Variants in ANO3 observed in about 807,000 individuals in gnomAD.
ANO3 encodes the protein anoctamin 3.
Under a neutral mutation model 144.8 loss-of-function variants are expected in ANO3, and 99 were observed. The observed-to-expected ratio is 0.68, with a 90% CI of 0.58 to 0.81. The LOEUF is 0.81. Among genes scored for constraint, ANO3 ranks in the 30% least tolerant of loss-of-function variants. The pLI is 0.00. For missense variants in ANO3, 905 were observed against 1,202.2 expected (o/e 0.75, Z 3.66); for synonymous variants, 414 against 392.6 (o/e 1.05, Z -0.64).
chr11:26,421,421 G>C (rs1347671077), intron 1 of ANO3, among the ~76,000 whole-genome samples: 1 of 151,930 alleles, frequency 6.6e-6, no homozygotes, highest in Admixed American at 6.6e-5. Context: ...GTATAGAAAA[G>C]TGTATTCAGA....
chr11:26,566,323 C>T (rs1015983359), intron 14 of ANO3, among the ~76,000 whole-genome samples: 13 of 151,778 alleles, frequency 8.6e-5, no homozygotes, highest in Admixed American at 3.3e-4. Flanking sequence ...TTTAAGAAAA[C>T]GCATTCTTTA....
intron 5 of ANO3, among the ~76,000 whole-genome samples, chr11:26,512,368 G>T (rs951769634): frequency 3.3e-5 from 5 of 152,192 alleles, no homozygotes; most frequent in African/African-American, 1.2e-4. Context: ...TCTCTGAGGA[G>T]CTTGCCTTCA....
chr11:26,328,294 A>AT, upstream of ANO3, among the ~76,000 whole-genome samples: 1 of 152,230 alleles, frequency 6.6e-6, no homozygotes, highest in East Asian at 1.9e-4. Context: ...ATTTCACTCC[A>AT]TTTTTCCTTT....
At chr11:26,207,454 G>A (rs1256549299) in intron 1 of ANO3, among the ~76,000 whole-genome samples, 2 of 152,070 alleles carry the variant, frequency 1.3e-5, no homozygotes, top group Non-Finnish European at 2.9e-5. Context: ...CATCTTGCAT[G>A]AACAAATACC....
chr11:26,309,638 C>T (rs373876902), exon 1 of ANO3: 2 of 985,040 alleles, frequency 2.0e-6, no homozygotes, highest in South Asian at 4.7e-5. Flanking sequence ...TTTGTTCTCT[C>T]TCACAGGTCT....
intron 1 of ANO3, among the ~76,000 whole-genome samples, chr11:26,413,730 C>A (rs932408918): frequency 6.6e-5 from 10 of 151,910 alleles, no homozygotes; most frequent in African/African-American, 2.4e-4. Flanking sequence ...TCTTATTAAT[C>A]ATTGAGTGTT....
intron 1 of ANO3, among the ~76,000 whole-genome samples, chr11:26,246,798 G>T (rs1272338297): frequency 6.6e-6 from 1 of 151,968 alleles, no homozygotes; most frequent in Non-Finnish European, 1.5e-5. Flanking sequence ...GAGATCTGAT[G>T]ATTTTATAAA....
At chr11:26,524,098 T>A (rs1849097599) in intron 6 of ANO3, among the ~76,000 whole-genome samples, 1 of 152,210 alleles carries the variant, frequency 6.6e-6, no homozygotes, top group Non-Finnish European at 1.5e-5. Context: ...GCTCATTCAT[T>A]TATTCATTGA....
chr11:26,257,670 G>A (rs1369648871), intron 1 of ANO3, among the ~76,000 whole-genome samples: 1 of 151,998 alleles, frequency 6.6e-6, no homozygotes, highest in Non-Finnish European at 1.5e-5. Flanking sequence ...TCTCATCACT[G>A]ATTATACCTG....
chr11:26,610,908 C>G (rs1200245664), intron 17 of ANO3, among the ~76,000 whole-genome samples: 2 of 151,998 alleles, frequency 1.3e-5, no homozygotes, highest in Non-Finnish European at 2.9e-5. Flanking sequence ...CATCTATGTT[C>G]GCAAACTTTT....
chr11:26,476,007 T>A (rs1050440100), intron 4 of ANO3, among the ~76,000 whole-genome samples: 7 of 152,072 alleles, frequency 4.6e-5, no homozygotes, highest in African/African-American at 1.4e-4. Flanking sequence ...GTAGCTTCAG[T>A]TGAGGCCTGA....
chr11:26,389,170 T>G (rs945137148), intron 1 of ANO3, among the ~76,000 whole-genome samples: 39 of 152,198 alleles, frequency 2.6e-4, no homozygotes, highest in African/African-American at 9.4e-4. Context: ...CAAGATAAAA[T>G]CAATTTTGTC....
intron 1 of ANO3, among the ~76,000 whole-genome samples, chr11:26,292,450 G>A (rs1159529270): frequency 6.6e-6 from 1 of 152,126 alleles, no homozygotes; most frequent in Non-Finnish European, 1.5e-5. Context: ...GCTGTGCTCA[G>A]TTGCTGGTGA....
chr11:26,442,591 T>A (rs1858558970), intron 2 of ANO3, among the ~76,000 whole-genome samples: 1 of 152,140 alleles, frequency 6.6e-6, no homozygotes. Flanking sequence ...AGGGCTGAAT[T>A]TTAGAGACAT....
chr11:26,475,649 C>T (rs1554959554), intron 4 of ANO3, among the ~76,000 whole-genome samples: 1 of 151,884 alleles, frequency 6.6e-6, no homozygotes, highest in Non-Finnish European at 1.5e-5. Flanking sequence ...GAAAACTTTT[C>T]AAAAGTATGT....
chr11:26,455,825 G>A (rs7935269), intron 3 of ANO3, among the ~76,000 whole-genome samples: 140,314 of 149,390 alleles, frequency 0.94, 66,069 homozygotes, highest in East Asian at 1. Context: ...TTCAAACTAT[G>A]CTACAAGGCT....
At chr11:26,373,847 A>G (rs797018857) in intron 1 of ANO3, among the ~76,000 whole-genome samples, 8 of 152,322 alleles carry the variant, frequency 5.3e-5, no homozygotes, top group African/African-American at 1.7e-4. Flanking sequence ...CAGGCATTCT[A>G]TTTTAACAAA....
At chr11:26,230,112 T>G (rs1046300982) in intron 1 of ANO3, among the ~76,000 whole-genome samples, 1 of 152,190 alleles carries the variant, frequency 6.6e-6, no homozygotes, top group Non-Finnish European at 1.5e-5. Context: ...CTAAAAGAGC[T>G]GCTCTTTCTA....
intron 1 of ANO3, among the ~76,000 whole-genome samples, chr11:26,198,051 C>T (rs552151600): frequency 7.2e-5 from 11 of 152,214 alleles, no homozygotes; most frequent in African/African-American, 2.4e-4. Context: ...TGAGGACCTC[C>T]TCCCATCACC....
Sources: allele counts gnomAD v4.1 joint callset (sites outside exome capture counted in the v4.1 genomes callset), GRCh38; gene constraint gnomAD v4.1.1; transcripts MANE v1.5; gene names NCBI Gene and HGNC (gene_info 2026-07-23, HGNC 2026-07-21).